Variants in ATXN7 observed in about 807,000 individuals in gnomAD.
ATXN7 encodes ataxin-7.
A neutral mutation model predicts 70.5 loss-of-function variants in ATXN7; 12 were observed. That is an observed-to-expected ratio of 0.17 (90% CI 0.11 to 0.28). The LOEUF (loss-of-function observed/expected upper bound fraction) is 0.28. Ranked by LOEUF, ATXN7 falls within the 10% of genes least tolerant of loss-of-function variation. The probability of loss-of-function intolerance (pLI) is 1.00; values close to 1 mark genes in which losing one functional copy is unlikely to be tolerated. For synonymous variants in ATXN7, 498 were observed against 448.7 expected (o/e 1.11, Z -1.39); for missense variants, 1,256 against 1,131.7 (o/e 1.11, Z -1.58).
At chr3:63,950,752 C>T (rs1323833702) in intron 4 of ATXN7, among the ~76,000 whole-genome samples, 4 of 152,192 alleles carry the variant, frequency 2.6e-5, no homozygotes, top group African/African-American at 9.6e-5. Context: ...TCAATGTGGG[C>T]AGGCTTTCAG....
At chr3:63,985,085 G>A (rs1411691008) in intron 8 of ATXN7, among the ~76,000 whole-genome samples, 1 of 152,108 alleles carries the variant, frequency 6.6e-6, no homozygotes, top group South Asian at 2.1e-4. Context: ...TAATACTTCA[G>A]TGAACATAGG....
intron 4 of ATXN7, among the ~76,000 whole-genome samples, chr3:63,949,460 G>C (rs1241904762): frequency 6.6e-6 from 1 of 151,944 alleles, no homozygotes; most frequent in Admixed American, 6.6e-5. Context: ...GTGCAGTGGC[G>C]CAATCTTGGC....
At chr3:63,914,378 C>T (rs1043668478) in intron 4 of ATXN7, among the ~76,000 whole-genome samples, 6 of 152,062 alleles carry the variant, frequency 3.9e-5, no homozygotes, top group African/African-American at 1.4e-4. Flanking sequence ...ATGAGAGCTT[C>T]CAATTGGAAC....
chr3:63,926,818 C>T (rs1295352267), intron 4 of ATXN7, among the ~76,000 whole-genome samples: 1 of 152,020 alleles, frequency 6.6e-6, no homozygotes, highest in Non-Finnish European at 1.5e-5. Flanking sequence ...CTCCCCTTGC[C>T]CCCCAATGCC....
At chr3:63,956,445 AAG>A in intron 5 of ATXN7, among the ~76,000 whole-genome samples, 1 of 151,194 alleles carries the variant, frequency 6.6e-6, no homozygotes, top group Non-Finnish European at 1.5e-5. Flanking sequence ...AAAAAAAAAA[AAG>A]AGTAAGGTGT....
intron 5 of ATXN7, among the ~76,000 whole-genome samples, chr3:63,971,926 TTG>T (rs2075318342): frequency 6.6e-6 from 1 of 152,108 alleles, no homozygotes; most frequent in Non-Finnish European, 1.5e-5. Flanking sequence ...TGAGTTTTTT[TTG>T]TTTTTGTTTT....
At chr3:63,867,092 A>C (rs1702454329) in intron 1 of ATXN7, 1 of 152,122 alleles carries the variant, frequency 6.6e-6, no homozygotes, top group African/African-American at 2.4e-5. Flanking sequence ...TCTGTGAAAT[A>C]ATGTAAGGAA....
At chr3:63,882,673 A>G (rs1037803158) in intron 1 of ATXN7, among the ~76,000 whole-genome samples, 7 of 152,174 alleles carry the variant, frequency 4.6e-5, no homozygotes, top group Non-Finnish European at 8.8e-5. Flanking sequence ...GGTGTGAGCC[A>G]CCAAACTTGA....
chr3:63,992,315 G>T (rs1321475851), intron 11 of ATXN7, among the ~76,000 whole-genome samples: 2 of 152,136 alleles, frequency 1.3e-5, no homozygotes, highest in African/African-American at 4.8e-5. Flanking sequence ...CTGGATAAGA[G>T]GTTCTTCTTT....
chr3:63,961,621 A>G (rs1365501293), intron 5 of ATXN7, among the ~76,000 whole-genome samples: 1 of 152,130 alleles, frequency 6.6e-6, no homozygotes, highest in African/African-American at 2.4e-5. Context: ...ATATGGATCA[A>G]AACATTACAC....
At chr3:63,895,106 G>A (rs1335139361) in intron 1 of ATXN7, among the ~76,000 whole-genome samples, 1 of 152,126 alleles carries the variant, frequency 6.6e-6, no homozygotes, top group Non-Finnish European at 1.5e-5. Flanking sequence ...TTAAAGCTTG[G>A]CGATTTTGCC....
intron 9 of ATXN7, among the ~76,000 whole-genome samples, 171 bp from the exon 10 acceptor site, chr3:63,990,005 G>C (rs761370602): frequency 6.6e-6 from 1 of 152,220 alleles, no homozygotes; most frequent in Non-Finnish European, 1.5e-5. Context: ...CAGTTCAGGA[G>C]AGAGGTTCCT....
At chr3:63,967,993 G>T in intron 5 of ATXN7, 3 of 1,529,368 alleles carry the variant, frequency 2.0e-6, no homozygotes, top group Non-Finnish European at 2.6e-6. Flanking sequence ...TTCTGAGGCA[G>T]TTTTCAGAGT....
At chr3:63,985,880 C>T (rs2075571162) in intron 8 of ATXN7, among the ~76,000 whole-genome samples, 1 of 152,216 alleles carries the variant, frequency 6.6e-6, no homozygotes, top group Non-Finnish European at 1.5e-5. Context: ...GCACAATAAC[C>T]ACGTGTTCCC....
intron 2 of ATXN7, 141 bp from the exon 3 acceptor site, chr3:63,912,447 C>CG (rs1340187377): frequency 1.1e-5 from 4 of 377,718 alleles, no homozygotes; most frequent in South Asian, 2.1e-4. Flanking sequence ...GAGGCGGGCT[C>CG]GGGGGGCTGG....
rs544243230 is a variant in ATXN7, at chr3:63,923,193, G to A, written c.394+9968G>A. 5.5e-4 allele frequency among the ~76,000 whole-genome samples: 83 copies of A among 152,286 alleles called. 1 individual carries two copies. Among genetic ancestry groups the A allele is most frequent in the African/African-American group, 1.8e-3 (76 of 41,556 alleles). On this transcript the variant is annotated intron_variant, in intron 4 of 12. Coordinates refer to ENST00000674280, the MANE Select transcript of ATXN7 (RefSeq NM_001377405.1). ...CCATGTTCTCTGGGCCTCATGCTAG[G>A]CTAGATAAAGTCTGAGGATACAACT...
chr3:63,970,763 G>GTTCTCCTT (rs2075298294), intron 5 of ATXN7, among the ~76,000 whole-genome samples: 1 of 152,078 alleles, frequency 6.6e-6, no homozygotes, highest in South Asian at 2.1e-4. Context: ...GAGTGGAGTC[G>GTTCTCCTT]TTCTCCCTTG....
At chr3:63,931,206 T>C (rs1301490269) in intron 4 of ATXN7, among the ~76,000 whole-genome samples, 1 of 152,194 alleles carries the variant, frequency 6.6e-6, no homozygotes, top group East Asian at 1.9e-4. Context: ...CCCAAAGTGC[T>C]GGGATTATAG....
chr3:63,912,963 G>A (rs1388833174), intron 3 of ATXN7, 40 bp downstream of exon 3: 1 of 1,353,876 alleles, frequency 7.4e-7, no homozygotes, highest in Non-Finnish European at 9.6e-7. Context: ...ACCCCCTCGC[G>A]ACCCCCTCCT....
Sources: allele counts gnomAD v4.1 joint callset (sites outside exome capture counted in the v4.1 genomes callset), GRCh38; gene constraint gnomAD v4.1.1; transcripts MANE v1.5; gene names NCBI Gene and HGNC (gene_info 2026-07-23, HGNC 2026-07-21).